The following TRPC4 variants were observed in gnomAD, a reference collection of about 807,000 sequenced individuals.
TRPC4 encodes transient receptor potential cation channel subfamily C member 4.
Under a neutral mutation model 99.4 loss-of-function variants are expected in TRPC4, and 49 were observed. That is an observed-to-expected ratio of 0.49 (90% CI 0.39 to 0.63). TRPC4 has a LOEUF of 0.63. Ranked by LOEUF, TRPC4 falls within the 20% of genes least tolerant of loss-of-function variation. TRPC4 has a pLI of 0.00. For synonymous variants in TRPC4, 454 were observed against 425.9 expected, an observed-to-expected ratio of 1.07 and a Z score of -0.81; for missense variants, 898 against 1,152.9, an observed-to-expected ratio of 0.78 and a Z score of 3.20.
chr13:37,699,051 A>T (rs376457016), intron 3 of TRPC4, among the ~76,000 whole-genome samples: 1 of 152,164 alleles, frequency 6.6e-6, no homozygotes. Context: ...GAGAAATCCC[A>T]TTGGGATTTG....
intron 2 of TRPC4, among the ~76,000 whole-genome samples, chr13:37,755,202 A>C (rs890959926): frequency 6.6e-6 from 1 of 151,980 alleles, no homozygotes; most frequent in Non-Finnish European, 1.5e-5. Context: ...ATTTACTGAC[A>C]TAATACTGTT....
rs1956462387 is a variant in TRPC4, at chr13:37,768,698, C to A, written c.378+14258G>T. Among the ~76,000 whole-genome samples, 7 of 134,308 alleles carry A rather than the reference C, an allele frequency of 5.2e-5. No individual in the cohort carries two copies. The South Asian group carries it at 1.7e-3, about 32-fold the overall frequency. The allele number at this position is 134,308 out of a possible 152,430, so 88.1% of individuals were successfully genotyped here. The stretch of plus-strand genomic sequence containing the variant: ...CACACACACACACACACACACACAT[C>A]AGGATAGGTGGTCGGGGGCAACATT... On this transcript the variant is annotated intron_variant, in intron 2 of 10. Coordinates refer to ENST00000379705, the MANE Select transcript of TRPC4 (RefSeq NM_016179.4).
chr13:37,838,652 T>C lies in TRPC4; in HGVS notation c.-28+30943A>G, dbSNP rs1157938311. ...AATCAAAAGTATCAAAATGATTCCA[T>C]TGTACTAAATTTACCTTTTACTTGC... On this transcript the variant is annotated intron_variant, in intron 1 of 10. Transcript: ENST00000379705. Among the ~76,000 whole-genome samples, 3 of 152,204 alleles carry C rather than the reference T, an allele frequency of 2.0e-5. No individual in the cohort carries two copies. In the East Asian group the frequency reaches 5.8e-4, roughly 29 times the overall value.
chr13:37,764,916 A>G (rs1956321022), intron 2 of TRPC4, among the ~76,000 whole-genome samples: 1 of 148,610 alleles, frequency 6.7e-6, no homozygotes, highest in South Asian at 2.1e-4. Flanking sequence ...TTTGCTTAAG[A>G]TTTTTACACT....
intron 3 of TRPC4, among the ~76,000 whole-genome samples, chr13:37,726,422 T>C (rs920616221): frequency 5.9e-5 from 9 of 152,018 alleles, no homozygotes; most frequent in African/African-American, 2.2e-4. Flanking sequence ...TGAATTTAAA[T>C]TAGAAAGTTA....
At chr13:37,829,813 T>A (rs1211806357) in intron 1 of TRPC4, among the ~76,000 whole-genome samples, 2 of 152,164 alleles carry the variant, frequency 1.3e-5, no homozygotes, top group Non-Finnish European at 2.9e-5. Context: ...GCAATAAAAA[T>A]TTGAAGCACT....
rs574335061 is a variant in TRPC4, at chr13:37,832,534, G to A, written c.-28+37061C>T. ...AGCCTAGGTGACAGAGCAAGACTCC[G>A]TCAAAAACAACAACAACAACAACAA... On this transcript the variant is annotated intron_variant, in intron 1 of 10. Coordinates refer to ENST00000379705, the MANE Select transcript of TRPC4 (RefSeq NM_016179.4). 7.2e-5 allele frequency among the ~76,000 whole-genome samples: 11 copies of A among 152,008 alleles called. No individual in the cohort carries two copies. The East Asian group carries it at 1.4e-3, about 19-fold the overall frequency.
At chr13:37,644,766 A>G (rs1035964291) in intron 8 of TRPC4, among the ~76,000 whole-genome samples, 2 of 151,306 alleles carry the variant, frequency 1.3e-5, no homozygotes, top group Admixed American at 1.3e-4. Context: ...CCAGCTACTC[A>G]GGAGGCTAAG....
intron 1 of TRPC4, among the ~76,000 whole-genome samples, chr13:37,852,567 C>A (rs1480762325): frequency 6.6e-6 from 1 of 152,156 alleles, no homozygotes; most frequent in African/African-American, 2.4e-5. Context: ...AAAAGACTTC[C>A]ATTTGAGAAA....
intron 1 of TRPC4, among the ~76,000 whole-genome samples, chr13:37,793,399 T>C (rs567925038): frequency 2.7e-4 from 41 of 152,018 alleles, no homozygotes; most frequent in African/African-American, 8.2e-4. Context: ...ACTCGTCATT[T>C]AACATTAGGT....
intron 1 of TRPC4, among the ~76,000 whole-genome samples, chr13:37,825,579 G>A (rs905829974): frequency 1.2e-3 from 174 of 147,644 alleles, no homozygotes; most frequent in African/African-American, 4.0e-3. Flanking sequence ...GTAGTCCAGC[G>A]GTTTTGAGTG....
At position 37,633,661 on chromosome 13, in the gene TRPC4, G is replaced by A. The variant is rs1482642279; in HGVS notation, c.*3242C>T. Among the ~76,000 whole-genome samples, 1 of 152,070 alleles carries A rather than the reference G, an allele frequency of 6.6e-6. No homozygotes were observed. The highest frequency in any genetic ancestry group is 2.4e-5 in the African/African-American group (1 of 41,412). ...TTTCATCACTAAAGTATTTCAAGTT[G>A]CTGTCTACGTCAAGGCAAGAAAGTG... On this transcript the variant is annotated 3_prime_UTR_variant, in exon 11 of 11. Coordinates refer to ENST00000379705, the MANE Select transcript of TRPC4 (RefSeq NM_016179.4).
intron 2 of TRPC4, among the ~76,000 whole-genome samples, chr13:37,777,153 C>T (rs1437878396): frequency 1.3e-5 from 2 of 151,852 alleles, no homozygotes; most frequent in East Asian, 3.9e-4. Flanking sequence ...TTTTGCTCTC[C>T]CTGAATTGGG....
intron 1 of TRPC4, among the ~76,000 whole-genome samples, chr13:37,805,777 G>A (rs1016733169): frequency 6.6e-6 from 1 of 152,006 alleles, no homozygotes; most frequent in African/African-American, 2.4e-5. Context: ...TAGCAAGTCA[G>A]TAATATTAAC....
At chr13:37,728,856 G>A (rs142602539) in intron 3 of TRPC4, among the ~76,000 whole-genome samples, 1 of 152,070 alleles carries the variant, frequency 6.6e-6, no homozygotes, top group Admixed American at 6.6e-5. Context: ...AAATAGTTGA[G>A]AGCCTAGAAA....
chr13:37,745,822 C>A, intron 3 of TRPC4, 115 bp downstream of exon 3: 1 of 1,135,832 alleles, frequency 8.8e-7, no homozygotes, highest in Non-Finnish European at 1.3e-6. Flanking sequence ...ATGTCATCCA[C>A]TTACAGCTGA....
intron 1 of TRPC4, among the ~76,000 whole-genome samples, chr13:37,827,765 G>T (rs924236842): frequency 2.6e-5 from 4 of 152,198 alleles, no homozygotes; most frequent in Non-Finnish European, 5.9e-5. Context: ...GCCTACAGAG[G>T]CAGGCAGGCC....
At chr13:37,682,503 C>A (rs977923070) in intron 4 of TRPC4, among the ~76,000 whole-genome samples, 1 of 152,164 alleles carries the variant, frequency 6.6e-6, no homozygotes. Context: ...CTCCTGTTCT[C>A]AGCAGTATAC....
chr13:37,799,230 G>A (rs1204121042), intron 1 of TRPC4, among the ~76,000 whole-genome samples: 4 of 152,114 alleles, frequency 2.6e-5, no homozygotes, highest in African/African-American at 7.2e-5. Context: ...CACTGCGCCC[G>A]GCCTAAAGGG....
Sources: allele counts gnomAD v4.1 joint callset (sites outside exome capture counted in the v4.1 genomes callset), GRCh38; gene constraint gnomAD v4.1.1; transcripts MANE v1.5; gene names NCBI Gene and HGNC (gene_info 2026-07-23, HGNC 2026-07-21).